Variants in FBXO36 observed in about 807,000 individuals in gnomAD.
The protein encoded by FBXO36 is F-box protein 36, also known as F-box only protein 36.
FBXO36 carries 18 observed loss-of-function variants against 17.0 expected under a neutral mutation model. That is an observed-to-expected ratio of 1.06 (90% confidence interval 0.73 to 1.57). The LOEUF (loss-of-function observed/expected upper bound fraction) is 1.57. Among genes scored for constraint, FBXO36 ranks in the 40% most tolerant of loss-of-function variants. The pLI is 0.00. For missense variants in FBXO36, 229 were observed against 221.9 expected (o/e 1.03, Z -0.20); for synonymous variants, 83 against 85.3 (o/e 0.97, Z 0.15).
intron 1 of FBXO36, among the ~76,000 whole-genome samples, chr2:229,949,027 G>T (rs916612898): frequency 6.6e-6 from 1 of 152,070 alleles, no homozygotes; most frequent in African/African-American, 2.4e-5. Flanking sequence ...TGGAGACGGG[G>T]TTTCACCATA....
At chr2:229,963,074 C>CT (rs1165286138) in intron 1 of FBXO36, among the ~76,000 whole-genome samples, 7 of 148,624 alleles carry the variant, frequency 4.7e-5, no homozygotes, top group Non-Finnish European at 9.0e-5. Context: ...ACCCAGGTTG[C>CT]TTTTTTTTTG....
intron 1 of FBXO36, among the ~76,000 whole-genome samples, chr2:229,946,518 C>T (rs1175664957): frequency 6.6e-6 from 1 of 152,162 alleles, no homozygotes; most frequent in Non-Finnish European, 1.5e-5. Context: ...ATCCAGTTAA[C>T]TCTGGATAGT....
At chr2:229,978,532 A>C (rs1250317740) in intron 2 of FBXO36, among the ~76,000 whole-genome samples, 3 of 152,054 alleles carry the variant, frequency 2.0e-5, no homozygotes, top group Non-Finnish European at 4.4e-5. Context: ...GGTTGCGGTG[A>C]GCCGAGATCA....
intron 1 of FBXO36, among the ~76,000 whole-genome samples, chr2:229,944,701 T>C (rs2077017723): frequency 1.3e-5 from 2 of 151,066 alleles, no homozygotes; most frequent in South Asian, 2.1e-4. Context: ...CATACCATTC[T>C]CCTGCTTCAG....
intron 1 of FBXO36, among the ~76,000 whole-genome samples, chr2:229,952,150 C>T (rs1176419280): frequency 6.6e-6 from 1 of 152,074 alleles, no homozygotes; most frequent in Non-Finnish European, 1.5e-5. Flanking sequence ...TTATAACTAT[C>T]ATAACCAGAC....
At chr2:229,984,866 C>G (rs114305824) in intron 2 of FBXO36, among the ~76,000 whole-genome samples, 1 of 152,080 alleles carries the variant, frequency 6.6e-6, no homozygotes, top group Non-Finnish European at 1.5e-5. Context: ...CTCACTGAAG[C>G]CTTTAGGTAC....
intron 3 of FBXO36, among the ~76,000 whole-genome samples, chr2:230,006,110 T>C (rs1026430267): frequency 6.7e-5 from 10 of 148,960 alleles, no homozygotes; most frequent in Non-Finnish European, 1.3e-4. Context: ...TTTTAGTTTT[T>C]TTTTTTTTTT....
intron 2 of FBXO36, among the ~76,000 whole-genome samples, chr2:229,990,095 C>T (rs1177380999): frequency 6.6e-6 from 1 of 151,818 alleles, no homozygotes; most frequent in South Asian, 2.1e-4. Context: ...CCTTTCTGTT[C>T]CTCATTTCCT....
At chr2:229,965,259 C>T (rs1218157011) in intron 1 of FBXO36, among the ~76,000 whole-genome samples, 1 of 150,508 alleles carries the variant, frequency 6.6e-6, no homozygotes, top group East Asian at 1.9e-4. Flanking sequence ...GGGTTACAGG[C>T]TGAGCCACTG....
intron 2 of FBXO36, among the ~76,000 whole-genome samples, chr2:229,979,033 C>G (rs1431154947): frequency 6.6e-6 from 1 of 151,536 alleles, no homozygotes; most frequent in African/African-American, 2.4e-5. Flanking sequence ...AAAAATTAGC[C>G]GGGCGTGGGG....
intron 1 of FBXO36, among the ~76,000 whole-genome samples, chr2:229,925,695 A>G (rs1209506986): frequency 6.6e-6 from 1 of 152,094 alleles, no homozygotes; most frequent in Non-Finnish European, 1.5e-5. Flanking sequence ...TTTGACATGG[A>G]TTTGAGGGCA....
At position 230,010,698 on chromosome 2, in the gene FBXO36, G is replaced by C; in HGVS notation, c.381G>C (p.Leu127=). Residue 127 remains leucine, a splice_region_variant and synonymous_variant, in exon 4 of 4, where the codon CTG becomes CTC. Coordinates refer to ENST00000283946, the MANE Select transcript of FBXO36 (RefSeq NM_174899.5). ...CCTCTGACTTTTCCCACCCACAGCT[G>C]TGCATGTCTGATAAACTGTGGGAAC... The part of the protein sequence containing the change: ...LCQTSHRFAK[L]CMSDKLWEQI... 2.5e-6 allele frequency: 4 copies of C among 1,607,350 alleles called. No homozygotes were observed. The highest frequency in any genetic ancestry group is 3.4e-6 in the Non-Finnish European group (4 of 1,174,914).
rs1161188534 is a variant in FBXO36 at position 229,958,257 on chromosome 2, CTTTTTTTTTTTTTTTTT to C, written c.97-17973_97-17957del. 1.5e-4 allele frequency among the ~76,000 whole-genome samples: 12 copies of C among 78,684 alleles called. 1 individual carries two copies. The highest frequency in any genetic ancestry group is 7.5e-4 in the Admixed American group (5 of 6,646). 51.6% of individuals were successfully genotyped at this position (78,684 alleles called of 152,430 possible). A position where few individuals can be genotyped will look rare whatever the true frequency, so the allele number is the denominator to read the frequency against. On this transcript the variant is annotated intron_variant, in intron 1 of 3. Transcript: ENST00000283946. Reference sequence around the variant, plus strand: ...ATTGTTTACAGAGAGCTCTGACTTTCTTTTTTTTTTTTTTTTTTTTTTTTTTTGAGTCAGAGTCTCAC... The same window carrying C: ...ATTGTTTACAGAGAGCTCTGACTTTCTTTTTTTTTTGAGTCAGAGTCTCAC...
At chr2:229,964,454 G>A (rs980743798) in intron 1 of FBXO36, among the ~76,000 whole-genome samples, 1 of 152,126 alleles carries the variant, frequency 6.6e-6, no homozygotes, top group African/African-American at 2.4e-5. Flanking sequence ...AGCATTTTCT[G>A]TCTGGCTTCT....
At chr2:229,971,164 G>A (rs941852070) in intron 1 of FBXO36, among the ~76,000 whole-genome samples, 7 of 152,036 alleles carry the variant, frequency 4.6e-5, no homozygotes, top group African/African-American at 1.7e-4. Flanking sequence ...GACCAGCCTG[G>A]CCAACATGGT....
intron 1 of FBXO36, among the ~76,000 whole-genome samples, chr2:229,966,756 C>G (rs920600243): frequency 1.3e-5 from 2 of 152,136 alleles, no homozygotes; most frequent in Non-Finnish European, 2.9e-5. Context: ...GTTTTGGTAC[C>G]AGTACCATGC....
intron 1 of FBXO36, among the ~76,000 whole-genome samples, chr2:229,956,603 G>T (rs2077089297): frequency 6.6e-6 from 1 of 152,190 alleles, no homozygotes; most frequent in Non-Finnish European, 1.5e-5. Context: ...CCGGATATTT[G>T]ATGTTAACCT....
intron 1 of FBXO36, among the ~76,000 whole-genome samples, chr2:229,959,920 A>G (rs1324398607): frequency 3.9e-5 from 6 of 152,074 alleles, no homozygotes; most frequent in Non-Finnish European, 5.9e-5. Flanking sequence ...ATGAATAACT[A>G]CCATCTCTGT....
At chr2:229,945,506 A>T (rs551895983) in intron 1 of FBXO36, among the ~76,000 whole-genome samples, 1 of 151,742 alleles carries the variant, frequency 6.6e-6, no homozygotes, top group African/African-American at 2.4e-5. Context: ...GCATTTCACC[A>T]TGTTGGCCAG....
Sources: allele counts gnomAD v4.1 joint callset (sites outside exome capture counted in the v4.1 genomes callset), GRCh38; gene constraint gnomAD v4.1.1; transcripts MANE v1.5; gene names NCBI Gene and HGNC (gene_info 2026-07-23, HGNC 2026-07-21).